Variants in TPO observed in about 807,000 individuals in gnomAD.
TPO encodes thyroid peroxidase, also known as thyroid microsomal antigen.
Under a neutral mutation model 96.9 loss-of-function variants are expected in TPO, and 78 were observed. That is an observed-to-expected ratio of 0.81 (90% CI 0.67 to 0.97). TPO has a LOEUF of 0.97. Among genes scored for constraint, TPO ranks in the 50% least tolerant of loss-of-function variants. The pLI, the probability that TPO is intolerant of heterozygous loss-of-function variation, is 0.00. For synonymous variants in TPO, 547 were observed against 538.0 expected, an observed-to-expected ratio of 1.02 and a Z score of -0.23; for missense variants, 1,252 against 1,274.8, an observed-to-expected ratio of 0.98 and a Z score of 0.27.
At chr2:1,425,671 A>G (rs1664296167) in intron 3 of TPO, among the ~76,000 whole-genome samples, 1 of 151,912 alleles carries the variant, frequency 6.6e-6, no homozygotes, top group African/African-American at 2.4e-5. Flanking sequence ...CTGTAAAGTC[A>G]TTGTTCTAGA....
At chr2:1,466,189 A>T (rs1249218474) in intron 7 of TPO, among the ~76,000 whole-genome samples, 3 of 152,160 alleles carry the variant, frequency 2.0e-5, no homozygotes, top group Admixed American at 6.5e-5. Flanking sequence ...ATGGTGTATC[A>T]CATTTATTGA....
intron 7 of TPO, among the ~76,000 whole-genome samples, chr2:1,463,102 G>A (rs1003449825): frequency 2.6e-5 from 4 of 152,266 alleles, no homozygotes; most frequent in South Asian, 2.1e-4. Context: ...ATCTGGCAGG[G>A]AGGACACCTG....
At chr2:1,508,195 T>C (rs1377452602) in intron 14 of TPO, among the ~76,000 whole-genome samples, 1 of 152,140 alleles carries the variant, frequency 6.6e-6, no homozygotes, top group African/African-American at 2.4e-5. Flanking sequence ...ATTTATCGAT[T>C]TGCGTATGTT....
At chr2:1,493,454 G>A (rs934400932) in intron 10 of TPO, among the ~76,000 whole-genome samples, 6 of 143,346 alleles carry the variant, frequency 4.2e-5, no homozygotes, top group Admixed American at 3.4e-4. Context: ...GCAAACTGCC[G>A]GGCAGTGTCA....
chr2:1,539,068 C>A (rs189246781), intron 15 of TPO, among the ~76,000 whole-genome samples: 3 of 152,162 alleles, frequency 2.0e-5, no homozygotes, highest in African/African-American at 7.2e-5. Flanking sequence ...CTCACCCTAA[C>A]TAATTACATC....
upstream of TPO, among the ~76,000 whole-genome samples, chr2:1,413,019 G>A (rs1662516278): frequency 6.6e-6 from 1 of 152,088 alleles, no homozygotes; most frequent in African/African-American, 2.4e-5. Flanking sequence ...TCACCTCTTA[G>A]TGATAAGAAA....
chr2:1,506,401 T>A (rs1673465976), intron 14 of TPO, among the ~76,000 whole-genome samples: 1 of 152,184 alleles, frequency 6.6e-6, no homozygotes, highest in Admixed American at 6.5e-5. Flanking sequence ...GTATACCCAG[T>A]AATGGGATTG....
At chr2:1,447,494 C>T (rs1666931559) in intron 5 of TPO, among the ~76,000 whole-genome samples, 1 of 152,194 alleles carries the variant, frequency 6.6e-6, no homozygotes, top group African/African-American at 2.4e-5. Flanking sequence ...TGTGCCTCAA[C>T]CACCTTGGAC....
chr2:1,383,795 C>G (rs1202628726), intron 1 of TPO, among the ~76,000 whole-genome samples: 2 of 152,180 alleles, frequency 1.3e-5, no homozygotes, highest in Non-Finnish European at 1.5e-5. Flanking sequence ...GACGTCCTTG[C>G]CCATGCCTAT....
chr2:1,485,640 A>G (rs1671088872), intron 9 of TPO, among the ~76,000 whole-genome samples: 1 of 151,596 alleles, frequency 6.6e-6, no homozygotes, highest in African/African-American at 2.4e-5. Context: ...TTTGATTTGC[A>G]TTTCTCTGAT....
chr2:1,476,281 C>G (rs1351695966), intron 7 of TPO, among the ~76,000 whole-genome samples: 4 of 152,178 alleles, frequency 2.6e-5, no homozygotes, highest in Admixed American at 6.5e-5. Context: ...TGATAACGCC[C>G]AGGGTAGGCC....
In TPO at chr2:1,413,523, G is replaced by C; in HGVS notation, c.-24G>C. The C allele has an allele frequency of 3.5e-6, 1 of 285,220 alleles. No homozygotes were observed. Among genetic ancestry groups the C allele is most frequent in the Non-Finnish European group, 5.3e-6 (1 of 190,028 alleles). The allele number at this position is 285,220 out of a possible 1,614,324, so 17.7% of individuals were successfully genotyped here. ...GCCGTGAAAATTACTCAGCAGTGCA[G>C]TTGGCTGAGAAGAGGAAAAAAGGTC... is the stretch of plus-strand genomic sequence containing the variant. On this transcript the variant is annotated 5_prime_UTR_variant, in exon 1 of 17. Coordinates refer to ENST00000329066, the MANE Select transcript of TPO (RefSeq NM_001206744.2).
At chr2:1,528,971 C>A (rs1322607505) in intron 15 of TPO, among the ~76,000 whole-genome samples, 1 of 144,490 alleles carries the variant, frequency 6.9e-6, no homozygotes, top group Non-Finnish European at 1.5e-5. Context: ...TAAAATCCCC[C>A]CACTGTGAGT....
chr2:1,429,512 G>A (rs977685226), intron 3 of TPO, among the ~76,000 whole-genome samples: 1 of 152,210 alleles, frequency 6.6e-6, no homozygotes, highest in Non-Finnish European at 1.5e-5. Context: ...AATGGCAGGG[G>A]TTGGAAGAGT....
intron 15 of TPO, among the ~76,000 whole-genome samples, chr2:1,528,223 C>T (rs1677085036): frequency 1.8e-5 from 2 of 112,732 alleles, no homozygotes; most frequent in South Asian, 3.5e-4. Context: ...AATCCCCCCA[C>T]TGTGTGAAAC....
Position 1,436,371 on chromosome 2 carries a change from G to A in TPO, c.469G>A (p.Ala157Thr). 6.2e-7 allele frequency: 1 copy of A among 1,614,186 alleles called. No homozygotes were observed. Among genetic ancestry groups the A allele is most frequent in the Non-Finnish European group, 8.5e-7 (1 of 1,180,036 alleles). ...GAACAAATACAGGCCCATCACAGGA[G>A]CTTGCAACAACAGGTATTGTTTGTG... Reference protein sequence around the residue: ...LANKYRPITGACNNRDHPRWG... With the variant: ...LANKYRPITGTCNNRDHPRWG... Residue 157 changes from alanine (A) to threonine (T), a missense_variant, in exon 5 of 17, where the codon GCT becomes ACT. Transcript: ENST00000329066.
intron 9 of TPO, among the ~76,000 whole-genome samples, 163 bp downstream of exon 9, chr2:1,485,017 A>G (rs1671003960): frequency 6.6e-6 from 1 of 151,932 alleles, no homozygotes; most frequent in South Asian, 2.1e-4. Context: ...ATTAACTCGT[A>G]ATTTACATTA....
At chr2:1,393,135 TG>T (rs529785635) in intron 1 of TPO, among the ~76,000 whole-genome samples, 96 of 152,314 alleles carry the variant, frequency 6.3e-4, no homozygotes, top group African/African-American at 2.2e-3. Context: ...CTTCTGCTTC[TG>T]GGGAGGCCTC....
At chr2:1,484,958 C>T (rs928205962) in intron 9 of TPO, 104 bp downstream of exon 9, 4 of 1,541,754 alleles carry the variant, frequency 2.6e-6, no homozygotes, top group Non-Finnish European at 3.5e-6. Flanking sequence ...GCACAACGTG[C>T]AGGTTTGTTA....
Sources: gnomAD v4.1 joint callset for allele counts (sites outside exome capture counted in the v4.1 genomes callset) on GRCh38, gnomAD v4.1.1 for gene constraint, MANE v1.5 for transcripts, NCBI Gene and HGNC (gene_info 2026-07-23, HGNC 2026-07-21) for gene names.